TPPP2: variants seen among roughly 807,000 people sequenced by gnomAD.
The protein encoded by TPPP2 is tubulin polymerization promoting protein family member 2, also known as tubulin polymerization-promoting protein family member 2.
In TPPP2, 8 loss-of-function variants were observed where a neutral mutation model predicts 13.0. The ratio of observed to expected loss-of-function variants is 0.62; its 90% CI spans 0.36 to 1.11. The LOEUF (loss-of-function observed/expected upper bound fraction) is 1.11. TPPP2 is among the 50% of genes most tolerant of loss of function. TPPP2 has a pLI of 0.02. For missense variants in TPPP2, 213 were observed against 216.9 expected (o/e 0.98, Z 0.11); for synonymous variants, 81 against 81.8 (o/e 0.99, Z 0.05).
downstream of TPPP2, chr14:21,033,794 A>G (rs1436898728): frequency 7.1e-7 from 1 of 1,409,052 alleles, no homozygotes; most frequent in South Asian, 1.1e-5. Flanking sequence ...CTGTGGTGGT[A>G]GAGGTTGGGG....
At chr14:21,027,228 G>C (rs1411632405), upstream of TPPP2, among the ~76,000 whole-genome samples, 2 of 152,224 alleles carry the variant, frequency 1.3e-5, no homozygotes, top group Admixed American at 1.3e-4. Flanking sequence ...TGTCAGGGCA[G>C]CTCCCAGCCC....
downstream of TPPP2, chr14:21,035,818 AC>A (rs1231722376): frequency 2.2e-6 from 1 of 456,168 alleles, no homozygotes; most frequent in South Asian, 1.5e-5. Flanking sequence ...TATGCAAGAA[AC>A]CTGAAAGTGA....
upstream of TPPP2, among the ~76,000 whole-genome samples, chr14:21,026,116 G>C (rs1163360646): frequency 6.6e-6 from 1 of 152,012 alleles, no homozygotes; most frequent in Non-Finnish European, 1.5e-5. Context: ...TGCCCGAGTG[G>C]GTTTGCCACT....
rs1397005631 is a variant in TPPP2 at position 21,032,346 on chromosome 14, T to C, written c.*269T>C. 1.8e-6 allele frequency: 1 copy of C among 558,566 alleles called. No individual in the cohort carries two copies. Among genetic ancestry groups the C allele is most frequent in the Non-Finnish European group, 3.4e-6 (1 of 294,232 alleles). The allele number at this position is 558,566 out of a possible 1,614,324, so 34.6% of individuals were successfully genotyped here. On this transcript the variant is annotated 3_prime_UTR_variant, in exon 4 of 4. Transcript: ENST00000321760. ...TGCTTCCAAGAACAGGATGGAAGAA[T>C]ATATTTGGAGTAAAGAGATGAACCA... is the stretch of plus-strand genomic sequence containing the variant.
At position 21,030,724 on chromosome 14, in the gene TPPP2, C is replaced by T. The variant is rs781364018; in HGVS notation, c.143C>T (p.Thr48Met). The stretch of plus-strand genomic sequence containing the variant: ...ATGGATGGCAAGACAGTCACCTCCA[C>T]GGACGTGGACATCGTGTTCAGCAAA... ...GIMDGKTVTS[T>M]DVDIVFSKVK... The change falls in exon 2 of 4, where the codon ACG becomes ATG. Residue 48 changes from threonine to methionine, a missense_variant. Transcript: ENST00000321760. The T allele has an allele frequency of 1.6e-5, 26 of 1,614,028 alleles. No homozygotes were observed. Among genetic ancestry groups the T allele is most frequent in the Non-Finnish European group, 1.9e-5 (23 of 1,180,024 alleles).
At chr14:21,026,359 GTT>G, upstream of TPPP2, among the ~76,000 whole-genome samples, 1 of 144,414 alleles carries the variant, frequency 6.9e-6, no homozygotes, top group Non-Finnish European at 1.5e-5. Context: ...CTTCAGACTG[GTT>G]CCTGAGTTGC....
downstream of TPPP2, chr14:21,036,296 T>G (rs796988563): frequency 8.8e-6 from 4 of 456,108 alleles, no homozygotes; most frequent in African/African-American, 6.0e-5. Flanking sequence ...TGATCCCTTC[T>G]TTCGTCTAAA....
chr14:21,028,096 G>A (rs1049053231), upstream of TPPP2, among the ~76,000 whole-genome samples: 1 of 152,060 alleles, frequency 6.6e-6, no homozygotes, highest in Non-Finnish European at 1.5e-5. Context: ...ACATATCTAG[G>A]ATTCATTTCC....
At chr14:21,026,209 C>A (rs1883602448), upstream of TPPP2, among the ~76,000 whole-genome samples, 1 of 152,066 alleles carries the variant, frequency 6.6e-6, no homozygotes, top group African/African-American at 2.4e-5. Flanking sequence ...GAGGAAGGCT[C>A]CCTGGAATGA....
At position 21,031,904 on chromosome 14, in the gene TPPP2, G is replaced by A. The variant is rs1884207840; in HGVS notation, c.340G>A (p.Val114Met). 6.2e-7 allele frequency: 1 copy of A among 1,613,606 alleles called. No individual in the cohort carries two copies. The highest frequency in any genetic ancestry group is 8.5e-7 in the Non-Finnish European group (1 of 1,179,674). The change falls in exon 4 of 4, where the codon GTG (valine) becomes ATG (methionine). Residue 114 changes from valine to methionine, a missense_variant. By Grantham distance (21) the Val-to-Met change is conservative (BLOSUM62 1). Transcript: ENST00000321760. ...CCCTGGCTTGCAGAAAGCAACAACA[G>A]TGGGTGCAGTGGACCGTTTGACAGA... ...ATTGATKATT[V>M]GAVDRLTDTS... is the part of the protein sequence containing the mutation.
upstream of TPPP2, chr14:21,029,001 A>T (rs1325732175): frequency 6.6e-6 from 1 of 152,094 alleles, no homozygotes; most frequent in African/African-American, 2.4e-5. Flanking sequence ...AAGAGAGAAA[A>T]CCCTGAGGAA....
At chr14:21,034,161 T>C (rs757467889), downstream of TPPP2, 1 of 1,614,130 alleles carries the variant, frequency 6.2e-7, no homozygotes, top group Non-Finnish European at 8.5e-7. Flanking sequence ...CTTTGGGTAG[T>C]TAACCCTGGG....
intron 2 of TPPP2, 109 bp downstream of exon 2, chr14:21,030,863 G>A (rs1466192070): frequency 2.0e-6 from 3 of 1,510,952 alleles, no homozygotes; most frequent in African/African-American, 1.4e-5. Context: ...AAGCACCACA[G>A]GGTACCTGGC....
chr14:21,033,150 G>A (rs569838115), downstream of TPPP2: 10 of 375,986 alleles, frequency 2.7e-5, no homozygotes, highest in South Asian at 2.0e-4. Context: ...GTTGGAAAAA[G>A]GAAGGCAGGG....
upstream of TPPP2, among the ~76,000 whole-genome samples, chr14:21,028,286 C>G (rs1444882003): frequency 1.3e-5 from 2 of 152,024 alleles, no homozygotes; most frequent in Admixed American, 1.3e-4. Flanking sequence ...TGGGGTCTCT[C>G]TGTCAGCCAG....
In TPPP2 at chr14:21,030,815, A is replaced by G. The variant is rs1884041892; in HGVS notation, c.173+61A>G. On this transcript the variant is annotated intron_variant, in intron 2 of 3. Coordinates refer to ENST00000321760, the MANE Select transcript of TPPP2 (RefSeq NM_173846.5). ...GAACCTGCGAGGTAGTTGGCCACGG[A>G]AGGGTTCACGTGGTGGAACATTTGC... The G allele has an allele frequency of 3.8e-6, 6 of 1,583,894 alleles. No homozygotes were observed. The African/African-American group carries it at 4.0e-5, about 11-fold the overall frequency.
Position 21,025,132 on chromosome 14 carries a change from C to A in TPPP2, n.236+788C>A, listed in dbSNP as rs1193802015. On this transcript the variant is annotated intron_variant and non_coding_transcript_variant, in intron 1 of 1. Coordinates refer to the TPPP2 transcript ENST00000533755. The surrounding 1 kb of genome is among the most constrained non-coding windows in gnomAD (Gnocchi z 5.1). ...CCCCCGGCCCGCCCCAGCCCGCCCA[C>A]GGGCGCTAGGCTCCCCGCAGACCCG... is the stretch of plus-strand genomic sequence containing the variant. 1.0e-6 allele frequency: 1 copy of A among 982,002 alleles called. No individual in the cohort carries two copies. Among genetic ancestry groups the A allele is most frequent in the Non-Finnish European group, 1.2e-6 (1 of 826,920 alleles). 60.8% of individuals were successfully genotyped at this position (982,002 alleles called of 1,614,324 possible). A position where few individuals can be genotyped will look rare whatever the true frequency, so the allele number is the denominator to read the frequency against.
Position 21,025,059 on chromosome 14 carries a change from C to T in TPPP2, n.236+715C>T. 6 of 986,278 alleles carry T rather than the reference C, an allele frequency of 6.1e-6. No individual in the cohort carries two copies. The highest frequency in any genetic ancestry group is 6.0e-6 in the Non-Finnish European group (5 of 830,692). The allele number at this position is 986,278 out of a possible 1,614,324, so 61.1% of individuals were successfully genotyped here. ...GCCGCCGCGGCCGCTTCCACCTTCA[C>T]TTGCCTTTGACTCGGGCCCGCCCCG... On this transcript the variant is annotated intron_variant and non_coding_transcript_variant, in intron 1 of 1. Transcript: ENST00000533755. This position sits in a 1 kb window ranked among gnomAD's most constrained non-coding sequence, Gnocchi z 5.1.
chr14:21,027,668 C>A (rs1883787525), upstream of TPPP2, among the ~76,000 whole-genome samples: 1 of 152,216 alleles, frequency 6.6e-6, no homozygotes, highest in South Asian at 2.1e-4. Context: ...CCTACACATG[C>A]AAGGCATATT....
Sources: allele counts gnomAD v4.1 joint callset (sites outside exome capture counted in the v4.1 genomes callset), GRCh38; gene constraint gnomAD v4.1.1; non-coding constraint Gnocchi (gnomAD v3.1); transcripts MANE v1.5; gene names NCBI Gene and HGNC (gene_info 2026-07-23, HGNC 2026-07-21).